Variants in SFMBT2 observed in about 807,000 individuals in gnomAD.
The protein encoded by SFMBT2 is scm-like with four MBT domains protein 2.
A neutral mutation model predicts 110.1 loss-of-function variants in SFMBT2; 38 were observed. The ratio of observed to expected loss-of-function variants is 0.35; its 90% CI spans 0.27 to 0.45. The LOEUF is 0.45. Ranked by LOEUF, SFMBT2 falls within the 20% of genes least tolerant of loss-of-function variation. The pLI, the probability that SFMBT2 is intolerant of heterozygous loss-of-function variation, is 1.00. For missense variants in SFMBT2, 1,011 were observed against 1,094.9 expected, an observed-to-expected ratio of 0.92 and a Z score of 1.08; for synonymous variants, 425 against 425.4, an observed-to-expected ratio of 1.00 and a Z score of 0.01.
intron 4 of SFMBT2, among the ~76,000 whole-genome samples, chr10:7,310,725 T>C (rs1588437697): frequency 6.6e-6 from 1 of 151,826 alleles, no homozygotes; most frequent in South Asian, 2.1e-4. Context: ...AACAGGCAGG[T>C]TTGAAAAAAA....
rs114779082 is a variant in SFMBT2, at chr10:7,223,292, C to T, written c.1204-2755G>A. On this transcript the variant is annotated intron_variant, in intron 10 of 20. Coordinates refer to ENST00000397167, the MANE Select transcript of SFMBT2 (RefSeq NM_001387889.1). Reference sequence around the variant, plus strand: ...TAGTTGCTACACATCTTCATCAGCACCTGGTATTGCCAGTTTTTCAAAATC... The same window carrying T: ...TAGTTGCTACACATCTTCATCAGCATCTGGTATTGCCAGTTTTTCAAAATC... Among the ~76,000 whole-genome samples, 575 of 152,084 alleles carry T rather than the reference C, an allele frequency of 3.8e-3. 2 individuals are homozygous for T. The highest frequency in any genetic ancestry group is 0.013 in the African/African-American group (533 of 41,482).
chr10:7,361,612 C>T (rs915764893), intron 4 of SFMBT2, among the ~76,000 whole-genome samples: 10 of 152,180 alleles, frequency 6.6e-5, no homozygotes, highest in Admixed American at 6.5e-5. Flanking sequence ...TAACTAACTC[C>T]ACTAATTTTG....
At chr10:7,315,032 A>G (rs1364243109) in intron 4 of SFMBT2, among the ~76,000 whole-genome samples, 2 of 130,370 alleles carry the variant, frequency 1.5e-5, no homozygotes, top group East Asian at 4.5e-4. Flanking sequence ...GAGAGAAAGA[A>G]AGAAAGAGAA....
chr10:7,186,473 T>A (rs1019221208), intron 16 of SFMBT2, among the ~76,000 whole-genome samples: 1 of 148,198 alleles, frequency 6.7e-6, no homozygotes, highest in Non-Finnish European at 1.5e-5. Context: ...TATATATATA[T>A]AAAAATATTT....
chr10:7,353,748 T>C (rs527421920), intron 4 of SFMBT2, among the ~76,000 whole-genome samples: 5 of 152,242 alleles, frequency 3.3e-5, no homozygotes, highest in African/African-American at 1.2e-4. Flanking sequence ...CTCCCATAAA[T>C]ATATTCAGTA....
At chr10:7,407,524 G>GC (rs1047180142) in intron 1 of SFMBT2, among the ~76,000 whole-genome samples, 1 of 152,132 alleles carries the variant, frequency 6.6e-6, no homozygotes, top group African/African-American at 2.4e-5. Flanking sequence ...ACGCGGCTGG[G>GC]GTTGGTGCGC....
chr10:7,291,085 T>C lies in SFMBT2; in HGVS notation c.437-5131A>G, dbSNP rs560602798. 3.9e-5 allele frequency among the ~76,000 whole-genome samples: 6 copies of C among 152,320 alleles called. No individual in the cohort carries two copies. The East Asian group carries it at 5.8e-4, about 15-fold the overall frequency. On this transcript the variant is annotated intron_variant, in intron 4 of 20. Transcript: ENST00000397167. ...GGCAGATGATGAACAAGGAGACCCA[T>C]GCTGGGGTCAGGAGGACAAGCACTG...
At chr10:7,395,761 A>G (rs1006374202) in intron 1 of SFMBT2, among the ~76,000 whole-genome samples, 10 of 130,670 alleles carry the variant, frequency 7.7e-5, no homozygotes, top group Non-Finnish European at 1.6e-4. Flanking sequence ...TGTTTTTGTT[A>G]TGTGGATGTA....
intron 1 of SFMBT2, among the ~76,000 whole-genome samples, chr10:7,400,874 T>A (rs1410622482): frequency 2.0e-5 from 3 of 152,224 alleles, no homozygotes; most frequent in African/African-American, 7.2e-5. Context: ...GGTTCGCGCC[T>A]GTAATCCCAG....
intron 7 of SFMBT2, among the ~76,000 whole-genome samples, chr10:7,254,366 G>A (rs966636757): frequency 1.3e-5 from 2 of 152,124 alleles, no homozygotes; most frequent in Non-Finnish European, 2.9e-5. Flanking sequence ...GAAAAGAGAG[G>A]CAAGAACAGC....
At chr10:7,411,040 CCT>C (rs905168997), upstream of SFMBT2, among the ~76,000 whole-genome samples, 14 of 148,438 alleles carry the variant, frequency 9.4e-5, no homozygotes, top group Non-Finnish European at 1.8e-4. Context: ...AATATGGCAT[CCT>C]CTCTGTGCGC....
At chr10:7,350,913 T>C (rs1255450230) in intron 4 of SFMBT2, among the ~76,000 whole-genome samples, 1 of 152,214 alleles carries the variant, frequency 6.6e-6, no homozygotes, top group Non-Finnish European at 1.5e-5. Context: ...CCCTTGGTAG[T>C]AGCCACACAC....
intron 4 of SFMBT2, among the ~76,000 whole-genome samples, chr10:7,362,179 A>T (rs1462003398): frequency 1.3e-5 from 2 of 152,176 alleles, no homozygotes; most frequent in Non-Finnish European, 2.9e-5. Context: ...TACTTTTAAT[A>T]TGAAAGATTA....
Position 7,172,359 on chromosome 10 carries a change from G to T in SFMBT2, c.2151+136C>A. The T allele has an allele frequency of 6.6e-7, 1 of 1,504,784 alleles. No individual in the cohort carries two copies. The highest frequency in any genetic ancestry group is 8.9e-7 in the Non-Finnish European group (1 of 1,129,132). 93.2% of individuals were successfully genotyped at this position (1,504,784 alleles called of 1,614,324 possible). On this transcript the variant is annotated intron_variant, in intron 18 of 20. Transcript: ENST00000397167. The surrounding 1 kb of genome is among the most constrained non-coding windows in gnomAD (Gnocchi z 4.6). ...ACATTTGTTTTCAGCAAGTAAGGAGGAGGGGGCTCTTCTTCAGTGTTTCTG... is the reference window on the plus strand; with the variant it reads ...ACATTTGTTTTCAGCAAGTAAGGAGTAGGGGGCTCTTCTTCAGTGTTTCTG...
At chr10:7,208,111 GA>G (rs1474941447) in intron 11 of SFMBT2, among the ~76,000 whole-genome samples, 1 of 152,142 alleles carries the variant, frequency 6.6e-6, no homozygotes, top group African/African-American at 2.4e-5. Flanking sequence ...AATCAAACAA[GA>G]AAGAATATGT....
intron 14 of SFMBT2, among the ~76,000 whole-genome samples, chr10:7,199,180 T>A (rs1259305621): frequency 6.6e-6 from 1 of 152,124 alleles, no homozygotes; most frequent in Non-Finnish European, 1.5e-5. Flanking sequence ...GGTCTCACCA[T>A]GTTGGCCAGG....
intron 4 of SFMBT2, among the ~76,000 whole-genome samples, chr10:7,315,956 G>T (rs910710301): frequency 6.6e-6 from 1 of 152,100 alleles, no homozygotes; most frequent in Non-Finnish European, 1.5e-5. Flanking sequence ...CACAGATTAA[G>T]GCTAATCTAT....
intron 4 of SFMBT2, among the ~76,000 whole-genome samples, chr10:7,340,811 T>TAAAA (rs71382100): frequency 7.7e-6 from 1 of 129,258 alleles, no homozygotes; most frequent in African/African-American, 2.9e-5. Context: ...GTCATTGACT[T>TAAAA]AAAAAAAAAA....
chr10:7,348,254 G>C, intron 4 of SFMBT2: 1 of 1,492,440 alleles, frequency 6.7e-7, no homozygotes, highest in Non-Finnish European at 9.0e-7. Context: ...TTCATTTCGT[G>C]ACGGTCTCGA....
Sources: allele counts gnomAD v4.1 joint callset (sites outside exome capture counted in the v4.1 genomes callset), GRCh38; gene constraint gnomAD v4.1.1; non-coding constraint Gnocchi (gnomAD v3.1); transcripts MANE v1.5; gene names NCBI Gene and HGNC (gene_info 2026-07-23, HGNC 2026-07-21).